The following ACVR2A variants were observed in gnomAD, a reference collection of about 807,000 sequenced individuals.
The protein encoded by ACVR2A is activin receptor type-2A.
Under a neutral mutation model 61.4 loss-of-function variants are expected in ACVR2A, and 7 were observed. The observed-to-expected ratio is 0.11, with a 90% confidence interval of 0.06 to 0.21. The LOEUF (loss-of-function observed/expected upper bound fraction) is 0.21, where lower values mean the gene tolerates loss of function less well. Ranked by LOEUF, ACVR2A falls within the 10% of genes least tolerant of loss-of-function variation. The pLI is 1.00. For synonymous variants in ACVR2A, 193 were observed against 208.3 expected (o/e 0.93, Z 0.63); for missense variants, 322 against 621.7 (o/e 0.52, Z 5.13).
rs962633413 is a variant in ACVR2A at position 147,872,791 on chromosome 2, T to A, written c.56-23510T>A. On this transcript the variant is annotated intron_variant, in intron 1 of 10. Coordinates refer to ENST00000241416, the MANE Select transcript of ACVR2A (RefSeq NM_001616.5). Reference sequence around the variant, plus strand: ...TTCTATAGTTTCCAGGATTTTCTTTTTCCTTTGTTAGAGGTAGCCATCACT... The same window carrying A: ...TTCTATAGTTTCCAGGATTTTCTTTATCCTTTGTTAGAGGTAGCCATCACT... Among the ~76,000 whole-genome samples the A allele has an allele frequency of 5.3e-5, 8 of 151,874 alleles. 1 individual carries two copies. Among genetic ancestry groups the A allele is most frequent in the African/African-American group, 1.9e-4 (8 of 41,410 alleles).
rs1055002516 is a variant in ACVR2A at position 147,874,018 on chromosome 2, G to A, written c.56-22283G>A. On this transcript the variant is annotated intron_variant, in intron 1 of 10. Transcript: ENST00000241416. ...ATATAGTAGAGAGGAAGAGTCTGAG[G>A]TAAATGATTGATTTTTGTAAAGTAA... Among the ~76,000 whole-genome samples the A allele has an allele frequency of 3.3e-5, 5 of 151,910 alleles. No homozygotes were observed. The East Asian group carries it at 9.6e-4, about 29-fold the overall frequency.
At chr2:147,911,912 G>A (rs1687128107) in intron 4 of ACVR2A, among the ~76,000 whole-genome samples, 1 of 152,056 alleles carries the variant, frequency 6.6e-6, no homozygotes, top group South Asian at 2.1e-4. Context: ...ATGTCAGCAT[G>A]TGTTCATTTT....
At chr2:147,895,260 A>G (rs1443098813) in intron 1 of ACVR2A, among the ~76,000 whole-genome samples, 1 of 148,492 alleles carries the variant, frequency 6.7e-6, no homozygotes, top group Non-Finnish European at 1.5e-5. Context: ...CATAAAATTA[A>G]CTATAGTACA....
rs1687595800 is a variant in ACVR2A, at chr2:147,929,350, T to G, written c.*2076T>G. 6.7e-6 allele frequency: 1 copy of G among 150,088 alleles called. No individual in the cohort carries two copies. The highest frequency in any genetic ancestry group is 1.5e-5 in the Non-Finnish European group (1 of 67,610). The allele number at this position is 150,088 out of a possible 1,614,324, so 9.3% of individuals were successfully genotyped here. ...TTCCTGAAGATGAATTTCTACCTGT[T>G]GTGAACATTTAACTTTCTTTTTAAA... On this transcript the variant is annotated 3_prime_UTR_variant, in exon 11 of 11. Transcript: ENST00000241416.
chr2:147,854,889 C>CT (rs965419702), intron 1 of ACVR2A, among the ~76,000 whole-genome samples: 56 of 148,984 alleles, frequency 3.8e-4, no homozygotes, highest in South Asian at 4.3e-4. Context: ...CTGCCTATTT[C>CT]TTTTTTTTTT....
At chr2:147,888,680 T>TG (rs1558803742) in intron 1 of ACVR2A, among the ~76,000 whole-genome samples, 22 of 130,848 alleles carry the variant, frequency 1.7e-4, no homozygotes, top group Non-Finnish European at 3.0e-4. Context: ...TGCTGCTGCT[T>TG]CTTTTTTTTT....
chr2:147,873,308 T>G (rs1686070383), intron 1 of ACVR2A, among the ~76,000 whole-genome samples: 1 of 151,988 alleles, frequency 6.6e-6, no homozygotes, highest in Non-Finnish European at 1.5e-5. Flanking sequence ...GTTTTTAAAA[T>G]AAAATTAATT....
Position 147,845,132 on chromosome 2 carries a change from A to G in ACVR2A, c.-21A>G. On this transcript the variant is annotated 5_prime_UTR_variant, in exon 1 of 11. Coordinates refer to ENST00000241416, the MANE Select transcript of ACVR2A (RefSeq NM_001616.5). ...GATATCTAGCGAGAACTTCCTCCGGATTCCCCGGCGCCTCGGGAAAATGGG... is the reference window on the plus strand; with the variant it reads ...GATATCTAGCGAGAACTTCCTCCGGGTTCCCCGGCGCCTCGGGAAAATGGG... The G allele has an allele frequency of 6.2e-7, 1 of 1,606,874 alleles. No homozygotes were observed. Among genetic ancestry groups the G allele is most frequent in the Non-Finnish European group, 8.5e-7 (1 of 1,177,874 alleles).
chr2:147,865,487 A>G (rs931268141), intron 1 of ACVR2A, among the ~76,000 whole-genome samples: 5 of 152,104 alleles, frequency 3.3e-5, no homozygotes, highest in African/African-American at 1.2e-4. Flanking sequence ...TTGTCCTGTT[A>G]CACTCCCAAT....
chr2:147,879,477 G>A (rs561528629), intron 1 of ACVR2A, among the ~76,000 whole-genome samples: 1 of 152,286 alleles, frequency 6.6e-6, no homozygotes, highest in Admixed American at 6.5e-5. Flanking sequence ...TTAAACCATA[G>A]CAAACTTTTT....
chr2:147,849,314 C>CTGCCTTAT (rs1685392777), intron 1 of ACVR2A, among the ~76,000 whole-genome samples: 1 of 152,018 alleles, frequency 6.6e-6, no homozygotes, highest in African/African-American at 2.4e-5. Context: ...TGCCTTATGG[C>CTGCCTTAT]GGTATTCGTG....
At chr2:147,848,708 A>G (rs1361189176) in intron 1 of ACVR2A, among the ~76,000 whole-genome samples, 2 of 152,174 alleles carry the variant, frequency 1.3e-5, no homozygotes, top group Non-Finnish European at 2.9e-5. Flanking sequence ...ACTATTGGGT[A>G]CTGGACTTAA....
At chr2:147,872,281 A>G (rs1302928080) in intron 1 of ACVR2A, among the ~76,000 whole-genome samples, 1 of 152,028 alleles carries the variant, frequency 6.6e-6, no homozygotes, top group East Asian at 1.9e-4. Context: ...AAAGCTTATT[A>G]TGTCTTAATG....
In ACVR2A at chr2:147,929,788, AC is replaced by A. The variant is rs759466543; in HGVS notation, c.*2520del. 1 of 151,600 alleles carries A rather than the reference AC, an allele frequency of 6.6e-6. No individual in the cohort carries two copies. Among genetic ancestry groups the A allele is most frequent in the Non-Finnish European group, 1.5e-5 (1 of 67,808 alleles). 9.4% of individuals were successfully genotyped at this position (151,600 alleles called of 1,614,324 possible). On this transcript the variant is annotated 3_prime_UTR_variant, in exon 11 of 11. Coordinates refer to ENST00000241416, the MANE Select transcript of ACVR2A (RefSeq NM_001616.5). ...GTGATCCATTTTGGGGCAAACTGAG[AC>A]CCCCCAAATAACTCTTTCCTCATGT...
intron 1 of ACVR2A, among the ~76,000 whole-genome samples, chr2:147,873,053 T>C (rs1025548369): frequency 9.9e-5 from 15 of 151,970 alleles, no homozygotes; most frequent in African/African-American, 3.1e-4. Context: ...TTATTTGTGA[T>C]GAGACATCAT....
chr2:147,907,743 G>A (rs1687020086), intron 4 of ACVR2A, among the ~76,000 whole-genome samples: 1 of 151,998 alleles, frequency 6.6e-6, no homozygotes, highest in Non-Finnish European at 1.5e-5. Flanking sequence ...ACCAAAGCAG[G>A]GGCTGGGTGT....
chr2:147,908,326 C>T (rs534489945), intron 4 of ACVR2A, among the ~76,000 whole-genome samples: 4 of 152,108 alleles, frequency 2.6e-5, no homozygotes, highest in South Asian at 2.1e-4. Flanking sequence ...GGCATACCTA[C>T]GTTTTTTTCA....
At chr2:147,870,023 T>A (rs187514997) in intron 1 of ACVR2A, among the ~76,000 whole-genome samples, 18 of 141,500 alleles carry the variant, frequency 1.3e-4, no homozygotes, top group Admixed American at 7.2e-4. Flanking sequence ...GAAAGGTGTT[T>A]GGGGCTGTAT....
intron 1 of ACVR2A, among the ~76,000 whole-genome samples, chr2:147,848,895 TC>T (rs572547674): frequency 6.1e-4 from 93 of 152,242 alleles, no homozygotes; most frequent in Non-Finnish European, 8.4e-4. Flanking sequence ...TCTGCTCTCT[TC>T]CCCCTAAAGT....
Sources: gnomAD v4.1 joint callset for allele counts (sites outside exome capture counted in the v4.1 genomes callset) on GRCh38, gnomAD v4.1.1 for gene constraint, MANE v1.5 for transcripts, NCBI Gene and HGNC (gene_info 2026-07-23, HGNC 2026-07-21) for gene names.